Variants in CROT observed in about 807,000 individuals in gnomAD.
The protein encoded by CROT is carnitine O-octanoyltransferase.
Under a neutral mutation model 89.2 loss-of-function variants are expected in CROT, and 84 were observed. That is an observed-to-expected ratio of 0.94 (90% confidence interval 0.79 to 1.13). The LOEUF (loss-of-function observed/expected upper bound fraction) is 1.13, where lower values mean the gene tolerates loss of function less well. CROT is among the 50% of genes most tolerant of loss of function. CROT has a pLI of 0.00. For synonymous variants in CROT, 212 were observed against 239.5 expected, an observed-to-expected ratio of 0.89 and a Z score of 1.06; for missense variants, 711 against 727.8, an observed-to-expected ratio of 0.98 and a Z score of 0.27.
rs1806120915 is a variant in CROT, at chr7:87,357,527, A to G, written c.116-1679A>G. The G allele has an allele frequency of 1.9e-6, 3 of 1,542,082 alleles. No homozygotes were observed. The South Asian group carries it at 3.6e-5, about 18-fold the overall frequency. ...TGTAGTCACCAGAACATGCTACCAG[A>G]TAAGGGGTCTTGATCCAGATGCTAA... On this transcript the variant is annotated intron_variant, in intron 3 of 17. Coordinates refer to ENST00000331536, the MANE Select transcript of CROT (RefSeq NM_021151.4).
intron 9 of CROT, 53 bp from the exon 10 acceptor site, chr7:87,377,296 C>A: frequency 8.9e-7 from 1 of 1,123,536 alleles, no homozygotes; most frequent in Non-Finnish European, 1.3e-6. Flanking sequence ...GATGTAAATT[C>A]TTACAAACCA....
intron 17 of CROT, among the ~76,000 whole-genome samples, chr7:87,395,855 T>A (rs986870340): frequency 6.6e-6 from 1 of 152,090 alleles, no homozygotes; most frequent in Non-Finnish European, 1.5e-5. Flanking sequence ...TTAAGGCTCA[T>A]TACATGCAGG....
chr7:87,357,970 A>G (rs1040137929), intron 3 of CROT, among the ~76,000 whole-genome samples: 12 of 152,134 alleles, frequency 7.9e-5, no homozygotes, highest in African/African-American at 2.7e-4. Context: ...TATCTTCTTA[A>G]TGTGGGTCAT....
At chr7:87,391,471 C>T (rs80069206) in intron 13 of CROT, 118 bp from the exon 14 acceptor site, 11,414 of 916,860 alleles carry the variant, frequency 0.012, 129 homozygotes, top group Non-Finnish European at 0.013. Context: ...AGTCTCCAAC[C>T]TATCTGTGTT....
chr7:87,348,299 A>T (rs1805756417), intron 2 of CROT, among the ~76,000 whole-genome samples: 1 of 152,152 alleles, frequency 6.6e-6, no homozygotes, highest in African/African-American at 2.4e-5. Context: ...ATTTTGAGTT[A>T]GATTTCTTTG....
At position 87,392,555 on chromosome 7, in the gene CROT, T is replaced by C; in HGVS notation, c.1426-11T>C. 1 of 1,611,640 alleles carries C rather than the reference T, an allele frequency of 6.2e-7. No individual in the cohort carries two copies. Among genetic ancestry groups the C allele is most frequent in the Non-Finnish European group, 8.5e-7 (1 of 1,178,192 alleles). On this transcript the variant is annotated splice_polypyrimidine_tract_variant and intron_variant, in intron 14 of 17. Coordinates refer to ENST00000331536, the MANE Select transcript of CROT (RefSeq NM_021151.4). ...GTGTGTTATTGAAGTGTCTCTCGAT[T>C]TTTAATACAGCTTCGTGAGCGGCAG...
chr7:87,346,712 A>G (rs1040603697), intron 2 of CROT, among the ~76,000 whole-genome samples: 1 of 152,202 alleles, frequency 6.6e-6, no homozygotes, highest in Non-Finnish European at 1.5e-5. Flanking sequence ...TCTAGAGTCT[A>G]TTAAGTGGCA....
Position 87,398,792 on chromosome 7 carries a change from A to C in CROT, c.*148A>C. ...ACTTGTTAAATGTAGAAATTAGTAG[A>C]ATCATGCTCTCTAAATTTATTCTGC... On this transcript the variant is annotated 3_prime_UTR_variant, in exon 18 of 18. Coordinates refer to ENST00000331536, the MANE Select transcript of CROT (RefSeq NM_021151.4). 1 of 722,650 alleles carries C rather than the reference A, an allele frequency of 1.4e-6. No individual in the cohort carries two copies. 44.8% of individuals were successfully genotyped at this position (722,650 alleles called of 1,614,324 possible). A position where few individuals can be genotyped will look rare whatever the true frequency, so the allele number is the denominator to read the frequency against.
chr7:87,384,905 T>C (rs1332134382), intron 13 of CROT, among the ~76,000 whole-genome samples: 4 of 152,204 alleles, frequency 2.6e-5, no homozygotes. Flanking sequence ...TAAGAGATAG[T>C]GGTCCAGTTT....
chr7:87,371,377 T>G (rs1243013909), intron 7 of CROT, among the ~76,000 whole-genome samples: 1 of 152,240 alleles, frequency 6.6e-6, no homozygotes. Context: ...CCTTATTCTT[T>G]TAAACTATTA....
At chr7:87,366,535 A>C (rs1806454711) in intron 6 of CROT, among the ~76,000 whole-genome samples, 1 of 152,054 alleles carries the variant, frequency 6.6e-6, no homozygotes, top group African/African-American at 2.4e-5. Flanking sequence ...ATAGGCTCTC[A>C]TTTCCTTCAG....
chr7:87,365,882 C>T (rs990099765), intron 6 of CROT, among the ~76,000 whole-genome samples: 3 of 152,118 alleles, frequency 2.0e-5, no homozygotes, highest in African/African-American at 7.2e-5. Flanking sequence ...TGGGATTACA[C>T]GTGTGAGCCA....
At chr7:87,396,030 T>A (rs144656711) in intron 17 of CROT, among the ~76,000 whole-genome samples, 557 of 152,252 alleles carry the variant, frequency 3.7e-3, no homozygotes, top group African/African-American at 0.013. Context: ...GAAAACTATG[T>A]CCAGATGTAC....
chr7:87,398,538 G>T lies in CROT; in HGVS notation c.1733G>T (p.Cys578Phe), dbSNP rs149253384. ...ATGCTTCACAGGTTTGTTGTGGCCT[G>T]TTCAGCCTGGAAATCCTGTCCCGAG... is the stretch of plus-strand genomic sequence containing the variant. ...HIRDDRFVVA[C>F]SAWKSCPETD... The change falls in exon 18 of 18, where the codon TGT becomes TTT. Residue 578 changes from cysteine (C) to phenylalanine (F), a missense_variant. Coordinates refer to ENST00000331536, the MANE Select transcript of CROT (RefSeq NM_021151.4). 4 of 1,613,646 alleles carry T rather than the reference G, an allele frequency of 2.5e-6. No individual in the cohort carries two copies. The highest frequency in any genetic ancestry group is 3.4e-6 in the Non-Finnish European group (4 of 1,179,868).
rs1400500072 is a variant in CROT, at chr7:87,399,260, A to C, written c.*616A>C. 3.3e-5 allele frequency: 5 copies of C among 152,740 alleles called. No homozygotes were observed. The highest frequency in any genetic ancestry group is 7.3e-5 in the Non-Finnish European group (5 of 68,542). The allele number at this position is 152,740 out of a possible 1,614,324, so 9.5% of individuals were successfully genotyped here. A position where few individuals can be genotyped will look rare whatever the true frequency, so the allele number is the denominator to read the frequency against. ...GAGGCCAAGGTAGGAGGATTGCTTGAAGCTAGGAGTTTGAGACCAGCCTGG... is the reference window on the plus strand; with the variant it reads ...GAGGCCAAGGTAGGAGGATTGCTTGCAGCTAGGAGTTTGAGACCAGCCTGG... On this transcript the variant is annotated 3_prime_UTR_variant, in exon 18 of 18. Transcript: ENST00000331536.
chr7:87,380,048 T>C (rs956899087), intron 10 of CROT, among the ~76,000 whole-genome samples: 1 of 152,080 alleles, frequency 6.6e-6, no homozygotes, highest in Non-Finnish European at 1.5e-5. Flanking sequence ...GAGGTCCAGG[T>C]TGCAGTGAGC....
In CROT at chr7:87,375,594, C is replaced by G. The variant is rs188365193; in HGVS notation, c.657-38C>G. On this transcript the variant is annotated intron_variant, in intron 7 of 17. Transcript: ENST00000331536. ...AAAGGCCAAAGTAGTTACTTTCTGCCTGTACTCTTTTTTAATCTTCTTTTC... is the reference window on the plus strand; with the variant it reads ...AAAGGCCAAAGTAGTTACTTTCTGCGTGTACTCTTTTTTAATCTTCTTTTC... 5.0e-4 allele frequency: 745 copies of G among 1,486,980 alleles called. 4 individuals are homozygous for G. In the African/African-American group the frequency reaches 9.0e-3, roughly 18 times the overall value. 92.1% of individuals were successfully genotyped at this position (1,486,980 alleles called of 1,614,324 possible).
chr7:87,388,083 C>G (rs955079739), intron 13 of CROT, among the ~76,000 whole-genome samples: 1 of 152,126 alleles, frequency 6.6e-6, no homozygotes, highest in African/African-American at 2.4e-5. Context: ...ATGGGACTTC[C>G]TCCAAGACTG....
chr7:87,398,101 G>GC (rs1380942659), intron 17 of CROT, among the ~76,000 whole-genome samples: 1 of 68,610 alleles, frequency 1.5e-5, no homozygotes. Context: ...ATCCTTCTCT[G>GC]CCTTTTTTTT....
Sources: gnomAD v4.1 joint callset for allele counts (sites outside exome capture counted in the v4.1 genomes callset) on GRCh38, gnomAD v4.1.1 for gene constraint, MANE v1.5 for transcripts, NCBI Gene and HGNC (gene_info 2026-07-23, HGNC 2026-07-21) for gene names.